The following POLR2E variants were observed in gnomAD, a reference collection of about 807,000 sequenced individuals.
POLR2E encodes RNA polymerase II, I and III subunit E, also known as DNA-directed RNA polymerases I, II, and III subunit RPABC1.
Under a neutral mutation model 29.8 loss-of-function variants are expected in POLR2E, and 35 were observed. The ratio of observed to expected loss-of-function variants is 1.17; its 90% CI spans 0.90 to 1.55. The LOEUF is 1.55. Ranked by LOEUF, POLR2E falls within the 40% of genes most tolerant of loss-of-function variation. The probability of loss-of-function intolerance (pLI) is 0.00; values close to 1 mark genes in which losing one functional copy is unlikely to be tolerated. For missense variants in POLR2E, 287 were observed against 288.6 expected, an observed-to-expected ratio of 0.99 and a Z score of 0.04; for synonymous variants, 174 against 112.6, an observed-to-expected ratio of 1.55 and a Z score of -3.45.
intron 6 of POLR2E, 138 bp downstream of exon 6, chr19:1,089,746 G>A (rs950542193): frequency 2.1e-5 from 17 of 804,026 alleles, no homozygotes; most frequent in African/African-American, 1.4e-4. Context: ...TTAAGAGGGG[G>A]ATATTGGGGG....
chr19:1,087,132 AG>A lies in POLR2E; in HGVS notation c.*1602del, dbSNP rs2043708841. On this transcript the variant is annotated 3_prime_UTR_variant, in exon 8 of 8. Transcript: ENST00000615234. Reference sequence around the variant, plus strand: ...CAGCCTCCCAAAGTGTTGGGATTACAGGTGTGAGCCACTGTGCCCAGGTAAT... The same window carrying A: ...CAGCCTCCCAAAGTGTTGGGATTACAGTGTGAGCCACTGTGCCCAGGTAAT... 1 of 151,946 alleles carries A rather than the reference AG, an allele frequency of 6.6e-6. No individual in the cohort carries two copies. Among genetic ancestry groups the A allele is most frequent in the Non-Finnish European group, 1.5e-5 (1 of 68,060 alleles). 9.4% of individuals were successfully genotyped at this position (151,946 alleles called of 1,614,324 possible). A position where few individuals can be genotyped will look rare whatever the true frequency, so the allele number is the denominator to read the frequency against.
chr19:1,091,929 G>C (rs2043841992), intron 2 of POLR2E, 22 bp from the exon 3 acceptor site: 1 of 1,534,904 alleles, frequency 6.5e-7, no homozygotes, highest in Admixed American at 1.7e-5. Context: ...GAGTGTGCTG[G>C]CCTGCACGAG....
chr19:1,093,926 G>C lies in POLR2E; in HGVS notation c.210C>G (p.Asp70Glu), dbSNP rs1431991339. ...VLVAHNDDPT[D>E]QMFVFFPEEP... ...CACCTGGAAAGAACACAAACATCTGGTCGGTGGGGTCATCGTTGTGGGCCA... is the reference window on the plus strand; with the variant it reads ...CACCTGGAAAGAACACAAACATCTGCTCGGTGGGGTCATCGTTGTGGGCCA... The change falls in exon 2 of 8, where the codon GAC (aspartate) becomes GAG (glutamate). Residue 70 changes from aspartate to glutamate, a missense_variant. Asp to Glu is a conservative substitution (Grantham distance 45). Transcript: ENST00000615234. 26 of 1,608,922 alleles carry C rather than the reference G, an allele frequency of 1.6e-5. No homozygotes were observed. The highest frequency in any genetic ancestry group is 2.0e-5 in the Non-Finnish European group (24 of 1,177,636).
chr19:1,089,254 G>T (rs1032540362), intron 7 of POLR2E, among the ~76,000 whole-genome samples: 1 of 152,340 alleles, frequency 6.6e-6, no homozygotes, highest in East Asian at 1.9e-4. Context: ...CGCGTACCAG[G>T]ACTCTCCCGT....
At chr19:1,093,609 A>AT in intron 2 of POLR2E, 4 of 512,006 alleles carry the variant, frequency 7.8e-6, no homozygotes, top group Non-Finnish European at 1.2e-5. Context: ...GAGCCAAGGG[A>AT]CACTAGGGCA....
At chr19:1,092,000 C>G in intron 2 of POLR2E, 93 bp from the exon 3 acceptor site, 1 of 848,726 alleles carries the variant, frequency 1.2e-6, no homozygotes, top group Admixed American at 1.8e-5. Flanking sequence ...CAGCCCCATT[C>G]CACACAGGTG....
Position 1,091,821 on chromosome 19 carries a change from GCAC to G in POLR2E, c.316_318del (p.Val106del). On this transcript the variant is annotated inframe_deletion, in exon 3 of 8. Coordinates refer to ENST00000615234, the MANE Select transcript of POLR2E (RefSeq NM_002695.5). ...TTGGCGGAGGGTGTCATGCCCTGCT[GCAC>G]CACGATGAGAGCCCGTGTGATGTTC... 2 of 1,611,814 alleles carry G rather than the reference GCAC, an allele frequency of 1.2e-6. No homozygotes were observed. Among genetic ancestry groups the G allele is most frequent in the Non-Finnish European group, 1.7e-6 (2 of 1,179,376 alleles).
chr19:1,093,317 A>G (rs570122537), intron 2 of POLR2E, among the ~76,000 whole-genome samples: 81 of 152,344 alleles, frequency 5.3e-4, no homozygotes, highest in Non-Finnish European at 9.8e-4. Context: ...CAATCCCCCA[A>G]CCGCTGAGGG....
chr19:1,091,240 C>G (rs1365795649), intron 3 of POLR2E, among the ~76,000 whole-genome samples: 1 of 152,258 alleles, frequency 6.6e-6, no homozygotes, highest in East Asian at 1.9e-4. Context: ...TCACACGCTT[C>G]CAGGGGCGGC....
intron 2 of POLR2E, among the ~76,000 whole-genome samples, chr19:1,093,265 C>A (rs1220657121): frequency 6.6e-6 from 1 of 152,246 alleles, no homozygotes; most frequent in Non-Finnish European, 1.5e-5. Flanking sequence ...CGTCACCCCA[C>A]TGATTAATTC....
At chr19:1,094,111 CAG>C (rs1348628529) in intron 1 of POLR2E, 33 bp from the exon 2 acceptor site, 1 of 1,581,302 alleles carries the variant, frequency 6.3e-7, no homozygotes, top group East Asian at 2.3e-5. Context: ...GACCCCAGGG[CAG>C]AGAGAGGAAG....
chr19:1,093,897 T>A lies in POLR2E; in HGVS notation c.232+7A>T, dbSNP rs373760395. On this transcript the variant is annotated splice_region_variant and intron_variant, in intron 2 of 7. Transcript: ENST00000615234. ...TCACCGGAACTCCCCCGGGACCCGC[T>A]GCTCACCTGGAAAGAACACAAACAT... The A allele has an allele frequency of 2.5e-6, 4 of 1,579,172 alleles. No individual in the cohort carries two copies. In the African/African-American group the frequency reaches 5.4e-5, roughly 21 times the overall value.
Position 1,094,024 on chromosome 19 carries a change from C to A in POLR2E, c.112G>T (p.Glu38Ter). The change falls in exon 2 of 8, where the codon GAG (glutamate) becomes TAG (stop). Residue 38 changes from glutamate (E) to a stop codon, truncating the protein, a stop_gained. Transcript: ENST00000615234. LOFTEE classifies it high-confidence loss of function. The part of the protein sequence containing the change: ...VTQDELDQTL[E>*]EFKAQSGDKP... ...TCCCCAGATTGGGCTTTGAACTCCT[C>A]CAGGGTCTGGTCAAGCTCGTCCTGG... 1.2e-6 allele frequency: 2 copies of A among 1,613,814 alleles called. No homozygotes were observed. Among genetic ancestry groups the A allele is most frequent in the South Asian group, 2.2e-5 (2 of 91,068 alleles).
At chr19:1,093,594 T>TCTC in intron 2 of POLR2E, 22 of 374,608 alleles carry the variant, frequency 5.9e-5, no homozygotes, top group South Asian at 2.9e-4. Context: ...ACGGCCAGGA[T>TCTC]GGGGGAGCCA....
intron 7 of POLR2E, among the ~76,000 whole-genome samples, 194 bp from the exon 8 acceptor site, chr19:1,088,914 G>A (rs747868276): frequency 6.6e-6 from 1 of 152,294 alleles, no homozygotes. Flanking sequence ...CAAAGGAACC[G>A]TGCCAGCGTC....
In POLR2E at chr19:1,087,054, A is replaced by G. The variant is rs2043702327; in HGVS notation, c.*1681T>C. ...GGCCCAGGCTGGAGTACAGGAGCAC[A>G]ATCGTAGCTCACTGCAGCCTCGGCC... On this transcript the variant is annotated 3_prime_UTR_variant, in exon 8 of 8. Coordinates refer to ENST00000615234, the MANE Select transcript of POLR2E (RefSeq NM_002695.5). 6.6e-6 allele frequency: 1 copy of G among 151,784 alleles called. No homozygotes were observed. Among genetic ancestry groups the G allele is most frequent in the Non-Finnish European group, 1.5e-5 (1 of 67,974 alleles). The allele number at this position is 151,784 out of a possible 1,614,324, so 9.4% of individuals were successfully genotyped here.
chr19:1,091,084 CCAA>C (rs2043818917), intron 3 of POLR2E, 96 bp from the exon 4 acceptor site: 6 of 1,017,136 alleles, frequency 5.9e-6, no homozygotes, highest in African/African-American at 3.2e-5. Context: ...CTCGTGTGCC[CCAA>C]CAACACACCC....
intron 5 of POLR2E, 31 bp downstream of exon 5, chr19:1,090,056 G>A (rs1244967213): frequency 6.2e-7 from 1 of 1,600,734 alleles, no homozygotes; most frequent in Non-Finnish European, 8.5e-7. Flanking sequence ...GGGACAGGGA[G>A]GGGCGGGGCC....
Position 1,095,279 on chromosome 19 carries a change from T to C in POLR2E, c.37A>G (p.Ile13Val), listed in dbSNP as rs1362799688. Residue 13 changes from isoleucine (I) to valine (V), a missense_variant, in exon 1 of 8, where the codon ATC becomes GTC. By Grantham distance (29) the Ile-to-Val change is conservative (BLOSUM62 3). Coordinates refer to ENST00000615234, the MANE Select transcript of POLR2E (RefSeq NM_002695.5). The stretch of plus-strand genomic sequence containing the variant: ...CTCACCTGCATGATGGTCTTGCGGA[T>C]TTTCCAGAGCCGGTACGTCTCCTCC... Reference protein sequence around the residue: ...DEEETYRLWKIRKTIMQLCHD... With the variant: ...DEEETYRLWKVRKTIMQLCHD... The C allele has an allele frequency of 6.2e-7, 1 of 1,613,150 alleles. No homozygotes were observed. The highest frequency in any genetic ancestry group is 8.5e-7 in the Non-Finnish European group (1 of 1,179,744).
Sources: gnomAD v4.1 joint callset for allele counts (sites outside exome capture counted in the v4.1 genomes callset) on GRCh38, gnomAD v4.1.1 for gene constraint, MANE v1.5 for transcripts, NCBI Gene and HGNC (gene_info 2026-07-23, HGNC 2026-07-21) for gene names.